The following ARF4 variants were observed in gnomAD, a reference collection of about 807,000 sequenced individuals.
ARF4 encodes ARF GTPase 4, also known as ADP-ribosylation factor 4.
A neutral mutation model predicts 24.3 loss-of-function variants in ARF4; 5 were observed. That is an observed-to-expected ratio of 0.21 (90% CI 0.11 to 0.43). ARF4 has a LOEUF of 0.43. ARF4 is among the 20% of genes least tolerant of loss of function. The pLI is 1.00. For missense variants in ARF4, 107 were observed against 213.0 expected (o/e 0.50, Z 3.10); for synonymous variants, 62 against 73.5 (o/e 0.84, Z 0.80).
chr3:57,575,513 A>G, intron 5 of ARF4, 35 bp downstream of exon 5: 2 of 1,581,966 alleles, frequency 1.3e-6, no homozygotes, highest in Non-Finnish European at 1.7e-6. Context: ...AAGTCTTAAT[A>G]GTCAAGAGGT....
Position 57,583,941 on chromosome 3 carries a change from T to C in ARF4, c.215A>G (p.Asp72Gly). 1 of 1,611,894 alleles carries C rather than the reference T, an allele frequency of 6.2e-7. No homozygotes were observed. Among genetic ancestry groups the C allele is most frequent in the Non-Finnish European group, 8.5e-7 (1 of 1,178,380 alleles). Residue 72 changes from aspartate (D) to glycine (G), a missense_variant, in exon 3 of 6, where the codon GAT becomes GGT. Transcript: ENST00000303436. ...CFTVWDVGGQDRIRPLWKHYF... is the reference protein window; with the variant it reads ...CFTVWDVGGQGRIRPLWKHYF... Reference sequence around the variant, plus strand: ...ATGCTTCCAGAGAGGCCTAATTCTATCTTGACCACCAACATCCCATACTGT... The same window carrying C: ...ATGCTTCCAGAGAGGCCTAATTCTACCTTGACCACCAACATCCCATACTGT...
At position 57,597,245 on chromosome 3, in the gene ARF4, G is replaced by C. The variant is rs73084427; in HGVS notation, c.-105C>G. ...CAAACTAAACGAGAGGGAAGAGAAA[G>C]AGCGGAGGAAGAAAGAGGGAGGCAG... On this transcript the variant is annotated 5_prime_UTR_variant, in exon 1 of 6. Transcript: ENST00000303436. The C allele has an allele frequency of 7.0e-6, 8 of 1,147,358 alleles. No individual in the cohort carries two copies. In the East Asian group the frequency reaches 2.0e-4, roughly 29 times the overall value. The allele number at this position is 1,147,358 out of a possible 1,614,324, so 71.1% of individuals were successfully genotyped here. A position where few individuals can be genotyped will look rare whatever the true frequency, so the allele number is the denominator to read the frequency against.
chr3:57,585,665 C>CTT (rs10651218), intron 1 of ARF4, among the ~76,000 whole-genome samples: 100,224 of 137,086 alleles, frequency 0.73, 39,172 homozygotes, highest in East Asian at 0.99. Flanking sequence ...TATCTAAATT[C>CTT]TTTTTTTTTT....
chr3:57,573,990 G>A (rs2069873669), intron 5 of ARF4, among the ~76,000 whole-genome samples: 1 of 152,180 alleles, frequency 6.6e-6, no homozygotes, highest in South Asian at 2.1e-4. Flanking sequence ...CACCCAGGCT[G>A]GAGTGCAGTG....
intron 1 of ARF4, among the ~76,000 whole-genome samples, chr3:57,595,621 G>A (rs1228991599): frequency 2.0e-5 from 3 of 152,194 alleles, no homozygotes; most frequent in African/African-American, 7.2e-5. Context: ...ACAGAAGCTT[G>A]TGTTTGCAAG....
At chr3:57,585,870 C>G (rs1025307691) in intron 1 of ARF4, among the ~76,000 whole-genome samples, 4 of 152,046 alleles carry the variant, frequency 2.6e-5, no homozygotes, top group Non-Finnish European at 5.9e-5. Flanking sequence ...CCATGTTGGC[C>G]AGGCTGGTCT....
chr3:57,590,136 A>AAATAAAT (rs2070093317), intron 1 of ARF4, among the ~76,000 whole-genome samples: 1 of 122,398 alleles, frequency 8.2e-6, no homozygotes. Flanking sequence ...AATAAATAAA[A>AAATAAAT]CAAAAAACAA....
intron 3 of ARF4, 50 bp from the exon 4 acceptor site, chr3:57,577,437 A>G (rs1294370212): frequency 1.4e-6 from 2 of 1,464,276 alleles, no homozygotes; most frequent in South Asian, 1.1e-5. Context: ...GACACTCTCT[A>G]TATGAAACAG....
chr3:57,597,246 A>G lies in ARF4; in HGVS notation c.-106T>C. On this transcript the variant is annotated 5_prime_UTR_variant, in exon 1 of 6. Transcript: ENST00000303436. Reference sequence around the variant, plus strand: ...AAACTAAACGAGAGGGAAGAGAAAGAGCGGAGGAAGAAAGAGGGAGGCAGA... The same window carrying G: ...AAACTAAACGAGAGGGAAGAGAAAGGGCGGAGGAAGAAAGAGGGAGGCAGA... 8.8e-7 allele frequency: 1 copy of G among 1,133,846 alleles called. No individual in the cohort carries two copies. The highest frequency in any genetic ancestry group is 1.3e-6 in the Non-Finnish European group (1 of 774,608). The allele number at this position is 1,133,846 out of a possible 1,614,324, so 70.2% of individuals were successfully genotyped here.
chr3:57,597,306 G>A lies in ARF4; in HGVS notation c.-166C>T. On this transcript the variant is annotated 5_prime_UTR_variant, in exon 1 of 6. Coordinates refer to ENST00000303436, the MANE Select transcript of ARF4 (RefSeq NM_001660.4). ...GTGGCCCCTGTGCCGATGAAGATCC[G>A]GCACAGGAATAAGCCGGTAGAGGAC... 6.3e-6 allele frequency: 4 copies of A among 635,806 alleles called. No homozygotes were observed. Among genetic ancestry groups the A allele is most frequent in the Non-Finnish European group, 1.1e-5 (4 of 366,030 alleles). 39.4% of individuals were successfully genotyped at this position (635,806 alleles called of 1,614,324 possible). A position where few individuals can be genotyped will look rare whatever the true frequency, so the allele number is the denominator to read the frequency against.
chr3:57,574,749 A>G (rs2069882470), intron 5 of ARF4, among the ~76,000 whole-genome samples: 1 of 152,116 alleles, frequency 6.6e-6, no homozygotes, highest in African/African-American at 2.4e-5. Context: ...AAGGCTGGGC[A>G]CCATGGCTGG....
intron 1 of ARF4, 94 bp downstream of exon 1, chr3:57,596,980 A>G: frequency 7.3e-7 from 1 of 1,374,060 alleles, no homozygotes; most frequent in Non-Finnish European, 1.0e-6. Context: ...CCCCCACCAC[A>G]GCGGGCGGAG....
At chr3:57,590,158 C>A (rs2070094688) in intron 1 of ARF4, among the ~76,000 whole-genome samples, 1 of 149,660 alleles carries the variant, frequency 6.7e-6, no homozygotes, top group African/African-American at 2.4e-5. Flanking sequence ...AAAAGAACAT[C>A]TATAAAAAAC....
chr3:57,593,785 T>A (rs1174688113), intron 1 of ARF4, among the ~76,000 whole-genome samples: 1 of 152,090 alleles, frequency 6.6e-6, no homozygotes, highest in African/African-American at 2.4e-5. Flanking sequence ...CCTGTAACCC[T>A]AGCACTTTTC....
At chr3:57,596,222 T>C (rs1435350350) in intron 1 of ARF4, among the ~76,000 whole-genome samples, 2 of 152,186 alleles carry the variant, frequency 1.3e-5, no homozygotes, top group East Asian at 1.9e-4. Context: ...TTTAAAAAAA[T>C]TGTAGTTACT....
intron 3 of ARF4, among the ~76,000 whole-genome samples, chr3:57,578,099 C>G (rs925564190): frequency 6.6e-6 from 1 of 151,996 alleles, no homozygotes; most frequent in Non-Finnish European, 1.5e-5. Context: ...AATTAGCTTA[C>G]TGACTCAAAG....
chr3:57,577,455 A>G, intron 3 of ARF4, 68 bp from the exon 4 acceptor site: 2 of 1,252,192 alleles, frequency 1.6e-6, no homozygotes, highest in Non-Finnish European at 2.3e-6. Flanking sequence ...CAGTGTAGGC[A>G]GCAAAATGGT....
intron 3 of ARF4, among the ~76,000 whole-genome samples, chr3:57,583,064 A>G (rs1311359014): frequency 1.3e-5 from 2 of 152,164 alleles, no homozygotes; most frequent in Non-Finnish European, 1.5e-5. Context: ...ATGCATAGAG[A>G]GCCCTCCCCA....
chr3:57,596,306 A>T (rs970227798), intron 1 of ARF4, among the ~76,000 whole-genome samples: 1 of 152,232 alleles, frequency 6.6e-6, no homozygotes, highest in Non-Finnish European at 1.5e-5. Context: ...ATTTTTTAAA[A>T]ATTCGTTTCT....
Sources: gnomAD v4.1 joint callset for allele counts (sites outside exome capture counted in the v4.1 genomes callset) on GRCh38, gnomAD v4.1.1 for gene constraint, MANE v1.5 for transcripts, NCBI Gene and HGNC (gene_info 2026-07-23, HGNC 2026-07-21) for gene names.